LGMN: variants seen among roughly 807,000 people sequenced by gnomAD.
The protein encoded by LGMN is legumain, also known as asparaginyl endopeptidase.
LGMN carries 36 observed loss-of-function variants against 56.8 expected under a neutral mutation model. The observed-to-expected ratio is 0.63, with a 90% CI of 0.49 to 0.84. The LOEUF is 0.84. LGMN is among the 40% of genes least tolerant of loss of function. The probability of loss-of-function intolerance (pLI) is 0.00; values close to 1 mark genes in which losing one functional copy is unlikely to be tolerated. For missense variants in LGMN, 446 were observed against 556.1 expected (o/e 0.80, Z 1.99); for synonymous variants, 199 against 210.1 (o/e 0.95, Z 0.46).
chr14:92,738,129 C>T (rs554772321), intron 1 of LGMN, among the ~76,000 whole-genome samples: 1 of 152,276 alleles, frequency 6.6e-6, no homozygotes, highest in African/African-American at 2.4e-5. Context: ...ACAGAACGGA[C>T]ACCACCTACT....
intron 1 of LGMN, among the ~76,000 whole-genome samples, chr14:92,734,654 A>AG (rs1432754013): frequency 6.6e-6 from 1 of 152,160 alleles, no homozygotes; most frequent in Admixed American, 6.6e-5. Context: ...AAGAAAAAAA[A>AG]AAAAAACTTT....
Position 92,704,348 on chromosome 14 carries a change from T to C in LGMN, c.1273A>G (p.Met425Val), listed in dbSNP as rs189997608. 4.2e-5 allele frequency: 68 copies of C among 1,610,424 alleles called. No homozygotes were observed. The highest frequency in any genetic ancestry group is 4.0e-4 in the East Asian group (18 of 44,746). Reference protein sequence around the residue: ...PYPLHRIKLSMDHVCLGHY With the variant: ...PYPLHRIKLSVDHVCLGHY ...TAGTGACCAAGGCACACGTGGTCCA[T>C]GGACAATTTTATCCTGCGAGAGACA... Residue 425 changes from methionine (M) to valine (V), a missense_variant, in exon 14 of 14, where the codon ATG (methionine) becomes GTG (valine). Physicochemically the swap from Met to Val is conservative, Grantham distance 21. Transcript: ENST00000334869.
chr14:92,723,351 T>C (rs115525109), intron 2 of LGMN, among the ~76,000 whole-genome samples: 4,190 of 152,172 alleles, frequency 0.028, 216 homozygotes, highest in African/African-American at 0.095. Flanking sequence ...GTCCTGCAAT[T>C]CCAACTCTTA....
chr14:92,706,959 C>T (rs150422928), intron 11 of LGMN, among the ~76,000 whole-genome samples: 43 of 152,262 alleles, frequency 2.8e-4, no homozygotes, highest in East Asian at 1.2e-3. Flanking sequence ...ACGACTGTGC[C>T]GTGAGGGTGC....
intron 3 of LGMN, 110 bp downstream of exon 3, chr14:92,718,637 T>A: frequency 1.8e-6 from 1 of 571,386 alleles, no homozygotes; most frequent in South Asian, 2.7e-5. Context: ...TGTCTGGGAG[T>A]CTCTTATATA....
chr14:92,711,743 A>C lies in LGMN; in HGVS notation c.735T>G (p.Asp245Glu). 2 of 1,614,138 alleles carry C rather than the reference A, an allele frequency of 1.2e-6. No homozygotes were observed. Among genetic ancestry groups the C allele is most frequent in the Non-Finnish European group, 1.7e-6 (2 of 1,179,978 alleles). ...GCTTGTGCAGGGTCTCTTTAGTCAG[A>C]TCTTCCTGCAAAAAGTGAGACCATT... ...VNWMEDSDVE[D>E]LTKETLHKQY... is the part of the protein sequence containing the mutation. Residue 245 changes from aspartate (D) to glutamate (E), a missense_variant, in exon 10 of 14, where the codon GAT becomes GAG. Transcript: ENST00000334869.
intron 13 of LGMN, 114 bp from the exon 14 acceptor site, chr14:92,704,475 G>A: frequency 9.5e-7 from 1 of 1,056,138 alleles, no homozygotes; most frequent in South Asian, 1.4e-5. Context: ...CCCAGCAGCT[G>A]TCACTGAGAA....
At chr14:92,735,329 C>T (rs1362562917) in intron 1 of LGMN, among the ~76,000 whole-genome samples, 1 of 152,172 alleles carries the variant, frequency 6.6e-6, no homozygotes, top group Non-Finnish European at 1.5e-5. Context: ...GCCTCAGCCT[C>T]CTGAGTAGCT....
rs1890201424 is a variant in LGMN, at chr14:92,718,797, A to T, written c.186T>A (p.Pro62=). 1 of 1,613,362 alleles carries T rather than the reference A, an allele frequency of 6.2e-7. No individual in the cohort carries two copies. The highest frequency in any genetic ancestry group is 1.7e-5 in the Admixed American group (1 of 59,980). ...AYQIIHRNGI[P]DEQIVVMMYD... Reference sequence around the variant, plus strand: ...ACATCATCACAACGATCTGTTCGTCAGGAATCCCATTGCGGTGAATGATCT... The same window carrying T: ...ACATCATCACAACGATCTGTTCGTCTGGAATCCCATTGCGGTGAATGATCT... The change falls in exon 3 of 14, where the codon CCT becomes CCA. Residue 62 remains proline (P), a synonymous_variant. Coordinates refer to ENST00000334869, the MANE Select transcript of LGMN (RefSeq NM_005606.7).
intron 1 of LGMN, among the ~76,000 whole-genome samples, chr14:92,744,629 C>T (rs971832753): frequency 3.7e-5 from 5 of 135,262 alleles, no homozygotes; most frequent in Non-Finnish European, 7.7e-5. Flanking sequence ...GAGTTTCGCT[C>T]TTGTTGCCCA....
At position 92,729,211 on chromosome 14, in the gene LGMN, T is replaced by C. The variant is rs531528881; in HGVS notation, c.138+3438A>G. Among the ~76,000 whole-genome samples the C allele has an allele frequency of 2.1e-5, 3 of 145,336 alleles. No homozygotes were observed. The East Asian group carries it at 6.5e-4, about 32-fold the overall frequency. On this transcript the variant is annotated intron_variant, in intron 2 of 13. Transcript: ENST00000334869. ...GCGCACCTCTGCCCATCCTGGCCCATCTTGCTGGCCCCTCTCCCAGGTCTG... is the reference window on the plus strand; with the variant it reads ...GCGCACCTCTGCCCATCCTGGCCCACCTTGCTGGCCCCTCTCCCAGGTCTG...
intron 1 of LGMN, among the ~76,000 whole-genome samples, chr14:92,747,318 T>C (rs1382446775): frequency 2.0e-5 from 3 of 151,308 alleles, no homozygotes; most frequent in African/African-American, 7.3e-5. Context: ...TGGTGAAACC[T>C]CGTCTCTACT....
chr14:92,740,029 T>C (rs989279318), intron 1 of LGMN, among the ~76,000 whole-genome samples: 2 of 152,102 alleles, frequency 1.3e-5, no homozygotes, highest in Admixed American at 1.3e-4. Context: ...GTTCGGAGGA[T>C]CACCTGAGGT....
intron 2 of LGMN, among the ~76,000 whole-genome samples, chr14:92,726,237 CAAAAAAAAAAAAA>C (rs371855377): frequency 8.5e-6 from 1 of 117,966 alleles, no homozygotes; most frequent in South Asian, 2.6e-4. Flanking sequence ...GGCTCTGTCT[CAAAAAAAAAAAAA>C]AAATTAAATA....
intron 1 of LGMN, chr14:92,733,857 A>AAAAT (rs559861507): frequency 6.6e-6 from 1 of 152,210 alleles, no homozygotes; most frequent in Admixed American, 6.5e-5. Flanking sequence ...ATAAATTTTA[A>AAAAT]AAATAAATAA....
chr14:92,743,499 T>C (rs776846241), intron 1 of LGMN, among the ~76,000 whole-genome samples: 10 of 146,026 alleles, frequency 6.8e-5, no homozygotes, highest in Non-Finnish European at 6.0e-5. Context: ...CGAGACTCCG[T>C]CTCAAAAAAA....
chr14:92,740,726 C>G (rs575537178), intron 1 of LGMN, among the ~76,000 whole-genome samples: 98 of 152,300 alleles, frequency 6.4e-4, no homozygotes, highest in African/African-American at 2.2e-3. Flanking sequence ...CAGCTCTTGT[C>G]TTAGAAGAGC....
intron 12 of LGMN, 163 bp from the exon 13 acceptor site, chr14:92,704,870 C>T (rs771392056): frequency 4.5e-5 from 28 of 620,754 alleles, no homozygotes; most frequent in Non-Finnish European, 7.6e-5. Flanking sequence ...TATTTATGGA[C>T]GATCCCTCAG....
At chr14:92,745,870 G>A (rs908083402) in intron 1 of LGMN, among the ~76,000 whole-genome samples, 2 of 151,470 alleles carry the variant, frequency 1.3e-5, no homozygotes. Context: ...TGGCCAGGCT[G>A]GAGTGCAGTG....
Sources: allele counts gnomAD v4.1 joint callset (sites outside exome capture counted in the v4.1 genomes callset), GRCh38; gene constraint gnomAD v4.1.1; transcripts MANE v1.5; gene names NCBI Gene and HGNC (gene_info 2026-07-23, HGNC 2026-07-21).